Variants in PACRG observed in about 807,000 individuals in gnomAD.
PACRG encodes the protein parkin coregulated, also known as parkin coregulated gene protein.
A neutral mutation model predicts 29.7 loss-of-function variants in PACRG; 29 were observed. That is an observed-to-expected ratio of 0.98 (90% CI 0.73 to 1.33). PACRG has a LOEUF of 1.33. Among genes scored for constraint, PACRG ranks in the 40% most tolerant of loss-of-function variants. The pLI is 0.00. For missense variants in PACRG, 279 were observed against 316.2 expected (o/e 0.88, Z 0.89); for synonymous variants, 116 against 118.7 (o/e 0.98, Z 0.15).
intron 4 of PACRG, among the ~76,000 whole-genome samples, chr6:163,139,543 G>A (rs114986509): frequency 0.01 from 1,585 of 152,146 alleles, 26 homozygotes; most frequent in African/African-American, 0.037. Context: ...AGGCTCAGAG[G>A]AGACAGTTGA....
At chr6:162,950,527 T>A (rs946471346) in intron 2 of PACRG, among the ~76,000 whole-genome samples, 14 of 151,846 alleles carry the variant, frequency 9.2e-5, no homozygotes, top group South Asian at 4.2e-4. Flanking sequence ...ATAAATAAAT[T>A]AATTAATAAT....
At chr6:163,107,869 C>T (rs1160275705) in intron 4 of PACRG, among the ~76,000 whole-genome samples, 3 of 152,186 alleles carry the variant, frequency 2.0e-5, no homozygotes, top group African/African-American at 7.2e-5. Context: ...CTATAAATTT[C>T]TCCAAAATCC....
At chr6:163,199,172 G>C (rs756091955) in intron 4 of PACRG, among the ~76,000 whole-genome samples, 1 of 152,176 alleles carries the variant, frequency 6.6e-6, no homozygotes, top group African/African-American at 2.4e-5. Flanking sequence ...ACATGATCAT[G>C]TACGGAATAA....
intron 2 of PACRG, among the ~76,000 whole-genome samples, chr6:162,908,769 C>T (rs1796104690): frequency 6.6e-6 from 1 of 152,160 alleles, no homozygotes; most frequent in African/African-American, 2.4e-5. Context: ...AATCAGGGGC[C>T]CACTGCTTGG....
At chr6:163,022,140 G>A (rs1258431630) in intron 2 of PACRG, among the ~76,000 whole-genome samples, 1 of 152,174 alleles carries the variant, frequency 6.6e-6, no homozygotes, top group Non-Finnish European at 1.5e-5. Flanking sequence ...CCATCTGAAG[G>A]AAGGTGGGGC....
At chr6:162,794,292 G>T (rs1235780550) in intron 1 of PACRG, among the ~76,000 whole-genome samples, 1 of 152,090 alleles carries the variant, frequency 6.6e-6, no homozygotes, top group African/African-American at 2.4e-5. Flanking sequence ...CTGCTTTTCT[G>T]TGGGGTTGTG....
At chr6:162,820,049 A>G (rs1787707364) in intron 2 of PACRG, among the ~76,000 whole-genome samples, 1 of 152,204 alleles carries the variant, frequency 6.6e-6, no homozygotes, top group South Asian at 2.1e-4. Context: ...TCTTTAGGTT[A>G]TACACGAATG....
At chr6:163,291,540 A>G (rs898863986) in intron 4 of PACRG, among the ~76,000 whole-genome samples, 1 of 152,248 alleles carries the variant, frequency 6.6e-6, no homozygotes, top group Non-Finnish European at 1.5e-5. Context: ...TTCCTCAGGC[A>G]GCTAGATTTC....
chr6:163,082,076 T>C (rs1357768343), intron 3 of PACRG, among the ~76,000 whole-genome samples: 3 of 152,202 alleles, frequency 2.0e-5, no homozygotes, highest in African/African-American at 7.2e-5. Context: ...AAAGTAAGTA[T>C]ATAAAAGTCA....
At chr6:163,122,249 CAT>C (rs35350691) in intron 4 of PACRG, among the ~76,000 whole-genome samples, 19,816 of 151,930 alleles carry the variant, frequency 0.13, 1,559 homozygotes, top group African/African-American at 0.21. Context: ...TCTGAGTTCT[CAT>C]GTGTTTGTCC....
At chr6:163,151,784 C>T (rs1490449496) in intron 4 of PACRG, among the ~76,000 whole-genome samples, 5 of 152,080 alleles carry the variant, frequency 3.3e-5, no homozygotes, top group Non-Finnish European at 7.3e-5. Flanking sequence ...AATTTTTTAA[C>T]GGAACTTAAA....
At chr6:163,177,710 A>ATGTTTTTTTTTT (rs1779440928) in intron 4 of PACRG, among the ~76,000 whole-genome samples, 1 of 53,744 alleles carries the variant, frequency 1.9e-5, no homozygotes, top group Non-Finnish European at 3.1e-5. Flanking sequence ...TAGAAAAGGG[A>ATGTTTTTTTTTT]TTTTTTTTTT....
chr6:162,758,346 A>G (rs1782090759), intron 1 of PACRG, among the ~76,000 whole-genome samples: 1 of 152,196 alleles, frequency 6.6e-6, no homozygotes, highest in African/African-American at 2.4e-5. Flanking sequence ...AAATATGCAT[A>G]AATTTATGTT....
chr6:162,841,518 C>G (rs1789766478), intron 2 of PACRG, among the ~76,000 whole-genome samples: 1 of 151,954 alleles, frequency 6.6e-6, no homozygotes, highest in Non-Finnish European at 1.5e-5. Context: ...AGCAGTCTAT[C>G]AATTTTGTTG....
chr6:163,199,023 G>A (rs1585325447), intron 4 of PACRG, among the ~76,000 whole-genome samples: 1 of 152,196 alleles, frequency 6.6e-6, no homozygotes, highest in South Asian at 2.1e-4. Flanking sequence ...TCCAAAGGAG[G>A]CAATCAGATA....
At chr6:163,222,546 C>T (rs1228847996) in intron 4 of PACRG, among the ~76,000 whole-genome samples, 2 of 152,218 alleles carry the variant, frequency 1.3e-5, no homozygotes, top group African/African-American at 4.8e-5. Flanking sequence ...CACCACTGTA[C>T]TGCAGCCTGG....
chr6:163,247,849 A>AT (rs111359929), intron 4 of PACRG, among the ~76,000 whole-genome samples: 4 of 152,238 alleles, frequency 2.6e-5, no homozygotes, highest in African/African-American at 9.6e-5. Flanking sequence ...CTTCAATCAG[A>AT]TTAAGAAAAA....
At chr6:163,154,239 A>G (rs1778222646) in intron 4 of PACRG, among the ~76,000 whole-genome samples, 1 of 152,208 alleles carries the variant, frequency 6.6e-6, no homozygotes, top group South Asian at 2.1e-4. Flanking sequence ...GCAACATGAT[A>G]GGTGCCTAGG....
chr6:162,858,378 C>T (rs1250673154), intron 2 of PACRG, among the ~76,000 whole-genome samples: 1 of 152,038 alleles, frequency 6.6e-6, no homozygotes, highest in African/African-American at 2.4e-5. Flanking sequence ...GGGGGAGCTG[C>T]CCCCATGATC....
Sources: allele counts gnomAD v4.1 joint callset (sites outside exome capture counted in the v4.1 genomes callset), GRCh38; gene constraint gnomAD v4.1.1; transcripts MANE v1.5; gene names NCBI Gene and HGNC (gene_info 2026-07-23, HGNC 2026-07-21).